Variants in FAM167A observed in about 807,000 individuals in gnomAD.
FAM167A encodes protein FAM167A.
FAM167A carries 23 observed loss-of-function variants against 14.9 expected under a neutral mutation model. The ratio of observed to expected loss-of-function variants is 1.55; its 90% confidence interval spans 1.11 to 2.19. The LOEUF is 2.19. FAM167A is among the 30% of genes most tolerant of loss of function. The pLI, the probability that FAM167A is intolerant of heterozygous loss-of-function variation, is 0.00. For missense variants in FAM167A, 401 were observed against 281.5 expected (o/e 1.42, Z -3.04); for synonymous variants, 174 against 117.7 (o/e 1.48, Z -3.10).
rs1277070426 is a variant in FAM167A at position 11,424,618 on chromosome 8, C to T, written c.400G>A (p.Asp134Asn). 6.2e-7 allele frequency: 1 copy of T among 1,613,718 alleles called. No individual in the cohort carries two copies. Among genetic ancestry groups the T allele is most frequent in the African/African-American group, 1.3e-5 (1 of 74,902 alleles). ...RKELTEMRLQ[D>N]QQLARQLMRL... is the part of the protein sequence containing the mutation. The stretch of plus-strand genomic sequence containing the variant: ...ATGAGCTGTCTGGCCAGTTGCTGGT[C>T]CTGCAGCCGCATCTCCGTCTGGAAG... The change falls in exon 3 of 3, where the codon GAC becomes AAC. Residue 134 changes from aspartate (D) to asparagine (N), a missense_variant. Physicochemically the swap from Asp to Asn is conservative, Grantham distance 23. Transcript: ENST00000284486.
Position 11,444,398 on chromosome 8 carries a change from T to A in FAM167A, c.14A>T (p.Gln5Leu). The change falls in exon 2 of 3, where the codon CAG becomes CTG. Residue 5 changes from glutamine to leucine, a missense_variant. By Grantham distance (113) the Gln-to-Leu change is moderately radical. Coordinates refer to ENST00000284486, the MANE Select transcript of FAM167A (RefSeq NM_053279.3). ...TGCACCCACTTCTTCCACGTGGATC[T>A]GGGGCACAGACATTCTACAGTCTGC... MSVP[Q>L]IHVEEVGAEE... is the part of the protein sequence containing the mutation. The A allele has an allele frequency of 6.5e-7, 1 of 1,547,176 alleles. No homozygotes were observed. Among genetic ancestry groups the A allele is most frequent in the Non-Finnish European group, 8.7e-7 (1 of 1,146,780 alleles).
At chr8:11,471,724 G>A (rs962910852), upstream of FAM167A, among the ~76,000 whole-genome samples, 11 of 152,206 alleles carry the variant, frequency 7.2e-5, no homozygotes, top group African/African-American at 1.9e-4. Flanking sequence ...CAAGATGGCC[G>A]GGGGTCAGGG....
intron 2 of FAM167A, among the ~76,000 whole-genome samples, chr8:11,427,321 A>G (rs988825423): frequency 6.6e-6 from 1 of 152,198 alleles, no homozygotes; most frequent in Non-Finnish European, 1.5e-5. Context: ...GACATGGTAC[A>G]TAGGGACTGG....
chr8:11,436,393 G>C (rs1806015777), intron 2 of FAM167A, among the ~76,000 whole-genome samples: 2 of 152,212 alleles, frequency 1.3e-5, no homozygotes, highest in African/African-American at 4.8e-5. Flanking sequence ...CCCCTGCCAG[G>C]CTGCGAGCAT....
chr8:11,433,799 G>T (rs1310090438), intron 2 of FAM167A: 1 of 152,248 alleles, frequency 6.6e-6, no homozygotes, highest in Non-Finnish European at 1.5e-5. Context: ...TTTGCCAGCT[G>T]TGTGTGCAGG....
chr8:11,451,469 T>C (rs907872938), intron 1 of FAM167A, among the ~76,000 whole-genome samples: 1 of 152,376 alleles, frequency 6.6e-6, no homozygotes, highest in African/African-American at 2.4e-5. Flanking sequence ...GCACAGTGGA[T>C]GCTTGCTGCT....
chr8:11,438,227 G>A (rs959831115), intron 2 of FAM167A: 1 of 434,640 alleles, frequency 2.3e-6, no homozygotes, highest in Non-Finnish European at 4.6e-6. Flanking sequence ...TGCTGCTGTG[G>A]GGATCCTCCA....
chr8:11,469,130 G>A (rs959603304), upstream of FAM167A, among the ~76,000 whole-genome samples: 2 of 152,148 alleles, frequency 1.3e-5, no homozygotes, highest in African/African-American at 4.8e-5. Flanking sequence ...ATAAGACTGG[G>A]ACACCAAATC....
At chr8:11,473,304 T>C (rs1164686594) in intron 1 of FAM167A, among the ~76,000 whole-genome samples, 3 of 152,116 alleles carry the variant, frequency 2.0e-5, no homozygotes, top group Non-Finnish European at 4.4e-5. Context: ...GCTTGTTGCA[T>C]ACAGGGATGA....
At chr8:11,470,244 G>C (rs1458095718), upstream of FAM167A, among the ~76,000 whole-genome samples, 1 of 152,044 alleles carries the variant, frequency 6.6e-6, no homozygotes, top group Non-Finnish European at 1.5e-5. Context: ...GGCAGGGCTG[G>C]CCTCGCTAAT....
chr8:11,467,203 A>C (rs1257467319), upstream of FAM167A, among the ~76,000 whole-genome samples: 1 of 152,224 alleles, frequency 6.6e-6, no homozygotes, highest in East Asian at 1.9e-4. Flanking sequence ...CCAACGACCC[A>C]GCAGGGCAAG....
chr8:11,443,709 C>G (rs906122255), intron 2 of FAM167A: 7 of 271,842 alleles, frequency 2.6e-5, no homozygotes, highest in Non-Finnish European at 4.9e-5. Flanking sequence ...CAGTCACACC[C>G]CAGGAGCCAG....
At chr8:11,461,258 G>A (rs890117781) in intron 1 of FAM167A, among the ~76,000 whole-genome samples, 3 of 152,252 alleles carry the variant, frequency 2.0e-5, no homozygotes, top group Non-Finnish European at 2.9e-5. Flanking sequence ...AGGAAGAGGT[G>A]CCTGAGAATC....
chr8:11,452,559 C>G (rs1807067868), intron 1 of FAM167A, among the ~76,000 whole-genome samples: 1 of 152,220 alleles, frequency 6.6e-6, no homozygotes, highest in Admixed American at 6.5e-5. Context: ...CTGCTGCTTC[C>G]TCCACCTGCA....
chr8:11,431,460 G>A lies in FAM167A; in HGVS notation c.382-6824C>T, dbSNP rs77629063. Among the ~76,000 whole-genome samples the A allele has an allele frequency of 5.7e-3, 868 of 152,342 alleles. 5 individuals carry two copies. Among genetic ancestry groups the A allele is most frequent in the African/African-American group, 0.019 (805 of 41,574 alleles). ...GGAGGATGAAGTTCTCGAGATGGAT[G>A]GTGGTGACGGCTGCACAGCAATGTG... is the stretch of plus-strand genomic sequence containing the variant. On this transcript the variant is annotated intron_variant, in intron 2 of 2. Coordinates refer to ENST00000284486, the MANE Select transcript of FAM167A (RefSeq NM_053279.3).
At chr8:11,433,234 G>T (rs1178834626) in intron 2 of FAM167A, among the ~76,000 whole-genome samples, 1 of 152,008 alleles carries the variant, frequency 6.6e-6, no homozygotes, top group African/African-American at 2.4e-5. Flanking sequence ...AAAAGAACAT[G>T]TAATTGTCCG....
chr8:11,425,913 G>C (rs548338729), intron 2 of FAM167A, among the ~76,000 whole-genome samples: 1 of 152,118 alleles, frequency 6.6e-6, no homozygotes, highest in East Asian at 1.9e-4. Flanking sequence ...TACATCTGTA[G>C]AGCATTTCCA....
Position 11,444,572 on chromosome 8 carries a change from G to A in FAM167A, c.-161C>T. On this transcript the variant is annotated 5_prime_UTR_variant, in exon 2 of 3. Transcript: ENST00000284486. ...GCCTCAGAGGCTGGGTGGCAGGGGAGCTGAGAGGGACCGCGCAGTGAGCCG... is the reference window on the plus strand; with the variant it reads ...GCCTCAGAGGCTGGGTGGCAGGGGAACTGAGAGGGACCGCGCAGTGAGCCG... The A allele has an allele frequency of 2.1e-6, 3 of 1,450,526 alleles. No individual in the cohort carries two copies. The highest frequency in any genetic ancestry group is 4.9e-5 in the East Asian group (2 of 40,658). The allele number at this position is 1,450,526 out of a possible 1,614,324, so 89.9% of individuals were successfully genotyped here. A position where few individuals can be genotyped will look rare whatever the true frequency, so the allele number is the denominator to read the frequency against.
intron 2 of FAM167A, among the ~76,000 whole-genome samples, chr8:11,425,275 T>G (rs538516096): frequency 6.6e-6 from 1 of 152,182 alleles, no homozygotes; most frequent in African/African-American, 2.4e-5. Context: ...TGTGAAGTGA[T>G]GTCACCATCA....
Sources: allele counts gnomAD v4.1 joint callset (sites outside exome capture counted in the v4.1 genomes callset), GRCh38; gene constraint gnomAD v4.1.1; transcripts MANE v1.5; gene names NCBI Gene and HGNC (gene_info 2026-07-23, HGNC 2026-07-21).